Variants in LMBRD2 observed in about 807,000 individuals in gnomAD.
The protein encoded by LMBRD2 is LMBR1 domain containing 2, also known as G protein-coupled receptor-associated protein LMBRD2.
A neutral mutation model predicts 94.4 loss-of-function variants in LMBRD2; 55 were observed. The observed-to-expected ratio is 0.58, with a 90% confidence interval of 0.47 to 0.73. LMBRD2 has a LOEUF of 0.73. Ranked by LOEUF, LMBRD2 falls within the 30% of genes least tolerant of loss-of-function variation. The pLI is 0.00. For missense variants in LMBRD2, 640 were observed against 831.9 expected (o/e 0.77, Z 2.84); for synonymous variants, 246 against 272.4 (o/e 0.90, Z 0.95).
intron 6 of LMBRD2, among the ~76,000 whole-genome samples, chr5:36,135,379 C>A (rs1242276923): frequency 6.6e-6 from 1 of 152,096 alleles, no homozygotes; most frequent in African/African-American, 2.4e-5. Context: ...TAATTATCAC[C>A]ATTACTAAGT....
Position 36,102,670 on chromosome 5 carries a change from A to C in LMBRD2, c.*1376T>G, listed in dbSNP as rs1007651033. The C allele has an allele frequency of 5.3e-5, 8 of 151,730 alleles. No individual in the cohort carries two copies. Among genetic ancestry groups the C allele is most frequent in the Admixed American group, 5.3e-4 (8 of 15,208 alleles). The allele number at this position is 151,730 out of a possible 1,614,324, so 9.4% of individuals were successfully genotyped here. On this transcript the variant is annotated 3_prime_UTR_variant, in exon 18 of 18. Transcript: ENST00000296603. Reference sequence around the variant, plus strand: ...AAAAACTTACATGATAATATTTATTAAAAATAAAAATAAAAATTTTAAATT... The same window carrying C: ...AAAAACTTACATGATAATATTTATTCAAAATAAAAATAAAAATTTTAAATT...
chr5:36,134,704 A>G (rs982393747), intron 6 of LMBRD2, among the ~76,000 whole-genome samples: 5 of 152,132 alleles, frequency 3.3e-5, no homozygotes, highest in African/African-American at 1.2e-4. Context: ...AGAAGGAACC[A>G]ACCCTGCAGA....
intron 4 of LMBRD2, 118 bp downstream of exon 4, chr5:36,140,989 T>C (rs561704492): frequency 5.1e-6 from 3 of 588,344 alleles, no homozygotes; most frequent in Middle Eastern, 3.2e-4. Flanking sequence ...ATAAAAATAA[T>C]GGGTAGAAAG....
Position 36,109,985 on chromosome 5 carries a change from C to G in LMBRD2, c.1751G>C (p.Arg584Thr). Reference sequence around the variant, plus strand: ...ACCTTCTTCTTGCCTTTGCCTTTTTCTCTTCTCTAAAGACAGAAAAATGAT... The same window carrying G: ...ACCTTCTTCTTGCCTTTGCCTTTTTGTCTTCTCTAAAGACAGAAAAATGAT... Reference protein sequence around the residue: ...EGKELIRKEKRKRQRQEEGEN... With the variant: ...EGKELIRKEKTKRQRQEEGEN... Residue 584 changes from arginine to threonine, a missense_variant, in exon 15 of 18, where the codon AGA (arginine) becomes ACA (threonine). Arg to Thr is a moderately conservative substitution (Grantham distance 71, BLOSUM62 -1). Transcript: ENST00000296603. 6.2e-7 allele frequency: 1 copy of G among 1,607,502 alleles called. No homozygotes were observed. Among genetic ancestry groups the G allele is most frequent in the Non-Finnish European group, 8.5e-7 (1 of 1,175,066 alleles).
At position 36,142,580 on chromosome 5, in the gene LMBRD2, T is replaced by G. The variant is rs1744437475; in HGVS notation, c.194A>C (p.Lys65Thr). 6.2e-7 allele frequency: 1 copy of G among 1,607,778 alleles called. No individual in the cohort carries two copies. Among genetic ancestry groups the G allele is most frequent in the Non-Finnish European group, 8.5e-7 (1 of 1,174,258 alleles). The change falls in exon 3 of 18, where the codon AAG (lysine) becomes ACG (threonine). Residue 65 changes from lysine to threonine, a missense_variant. Physicochemically the swap from Lys to Thr is moderately conservative, Grantham distance 78. This residue lies in a region of LMBRD2 where 457 missense variants were observed against 642.8 expected (regional missense o/e 0.71). Transcript: ENST00000296603. ...AGGGCTTGAATTTGCAGCAGCATGC[T>G]TGCACCGGTTGTATATTGTCTAAAG... ...DVSTTIYNRC[K>T]HAAANSSPPE... is the part of the protein sequence containing the mutation.
Position 36,115,102 on chromosome 5 carries a change from T to C in LMBRD2, c.1455A>G (p.Thr485=). The change falls in exon 12 of 18, where the codon ACA becomes ACG. Residue 485 remains threonine (T), a synonymous_variant. Transcript: ENST00000296603. ...LFSGMLFCRL[T]PPLCLNFLGL... ...CCAAGAAATTAAGACATAAAGGAGG[T>C]GTCAAACGGCAAAATAGCCTGCAAC... 1.2e-6 allele frequency: 2 copies of C among 1,607,510 alleles called. No individual in the cohort carries two copies. The highest frequency in any genetic ancestry group is 3.4e-5 in the Admixed American group (2 of 58,612).
At chr5:36,123,596 G>T (rs2111875580) in intron 7 of LMBRD2, among the ~76,000 whole-genome samples, 1 of 151,938 alleles carries the variant, frequency 6.6e-6, no homozygotes. Context: ...GGGTTTAAAA[G>T]ACAATTGGGG....
chr5:36,117,408 C>T (rs1014213521), intron 10 of LMBRD2, among the ~76,000 whole-genome samples: 9 of 151,872 alleles, frequency 5.9e-5, no homozygotes, highest in East Asian at 5.8e-4. Context: ...TTCTTGAGCC[C>T]GGGAAGTTGA....
At chr5:36,123,937 T>A (rs562206558) in intron 7 of LMBRD2, among the ~76,000 whole-genome samples, 1 of 152,070 alleles carries the variant, frequency 6.6e-6, no homozygotes, top group Admixed American at 6.5e-5. Context: ...TTTATTTCCA[T>A]CATTGTCATG....
intron 13 of LMBRD2, 65 bp downstream of exon 13, chr5:36,114,359 G>C: frequency 6.7e-7 from 1 of 1,488,626 alleles, no homozygotes; most frequent in South Asian, 1.4e-5. Context: ...ATATTTAAAA[G>C]AGCTTTAAAG....
chr5:36,146,472 C>G (rs155545), intron 1 of LMBRD2, among the ~76,000 whole-genome samples: 2,204 of 152,286 alleles, frequency 0.014, 55 homozygotes, highest in African/African-American at 0.051. Flanking sequence ...CTGGGCTCAA[C>G]TGATCCTCCC....
intron 7 of LMBRD2, 102 bp from the exon 8 acceptor site, chr5:36,123,063 C>A: frequency 8.6e-7 from 1 of 1,163,932 alleles, no homozygotes; most frequent in Non-Finnish European, 1.1e-6. Flanking sequence ...CTAATTTTCT[C>A]AAAAACATCT....
chr5:36,099,027 TAAC>T lies in LMBRD2; in HGVS notation c.*5016_*5018del, dbSNP rs1216643333. The T allele has an allele frequency of 6.6e-6, 1 of 152,054 alleles. No homozygotes were observed. Among genetic ancestry groups the T allele is most frequent in the Admixed American group, 6.6e-5 (1 of 15,252 alleles). 9.4% of individuals were successfully genotyped at this position (152,054 alleles called of 1,614,324 possible). ...TCAACTGAATTGGATAAAGGCAAAATAACAAGTATTTTATTAATGCAATGCAGA... is the reference window on the plus strand; with the variant it reads ...TCAACTGAATTGGATAAAGGCAAAATAAGTATTTTATTAATGCAATGCAGA... On this transcript the variant is annotated 3_prime_UTR_variant, in exon 18 of 18. Coordinates refer to ENST00000296603, the MANE Select transcript of LMBRD2 (RefSeq NM_001007527.2).
chr5:36,116,649 A>T, intron 10 of LMBRD2, 56 bp from the exon 11 acceptor site: 1 of 1,520,436 alleles, frequency 6.6e-7, no homozygotes, highest in South Asian at 1.2e-5. Flanking sequence ...TTTAGCACTT[A>T]ACAATTACAG....
At chr5:36,124,124 G>A in intron 7 of LMBRD2, 67 bp downstream of exon 7, 2 of 880,670 alleles carry the variant, frequency 2.3e-6, no homozygotes, top group Non-Finnish European at 3.5e-6. Flanking sequence ...ATACTTTTCT[G>A]GTACTTTTGG....
rs866908783 is a variant in LMBRD2, at chr5:36,103,020, A to G, written c.*1026T>C. The G allele has an allele frequency of 2.0e-5, 3 of 151,982 alleles. No homozygotes were observed. The highest frequency in any genetic ancestry group is 7.2e-5 in the African/African-American group (3 of 41,444). The allele number at this position is 151,982 out of a possible 1,614,324, so 9.4% of individuals were successfully genotyped here. On this transcript the variant is annotated 3_prime_UTR_variant, in exon 18 of 18. Transcript: ENST00000296603. ...AAGGTTAAAAACAGTCTATTTAGTA[A>G]GAATGTTTAACCAACAAGTTATTAC...
intron 9 of LMBRD2, among the ~76,000 whole-genome samples, chr5:36,120,690 T>C (rs1412679745): frequency 1.3e-5 from 2 of 152,234 alleles, no homozygotes; most frequent in Non-Finnish European, 2.9e-5. Context: ...TTTTCTAGTC[T>C]GTCTCCAATT....
Position 36,122,383 on chromosome 5 carries a change from A to C in LMBRD2, c.1017T>G (p.Asp339Glu), listed in dbSNP as rs544258135. 6 of 1,613,276 alleles carry C rather than the reference A, an allele frequency of 3.7e-6. No individual in the cohort carries two copies. In the African/African-American group the frequency reaches 8.0e-5, roughly 22 times the overall value. ...ILLEQAFYLE[D>E]VAKNETSATH... ...TAGCACTAGTTTCATTTTTTGCTAC[A>C]TCTTCTAGATAAAATGCTTGTTCCA... The change falls in exon 9 of 18, where the codon GAT (aspartate) becomes GAG (glutamate). Residue 339 changes from aspartate (D) to glutamate (E), a missense_variant. Transcript: ENST00000296603.
intron 9 of LMBRD2, among the ~76,000 whole-genome samples, chr5:36,120,515 T>C (rs1212155856): frequency 2.0e-5 from 3 of 152,156 alleles, no homozygotes; most frequent in Admixed American, 2.0e-4. Context: ...CGCCTCGGCC[T>C]CCCAAAGTGC....
Sources: allele counts gnomAD v4.1 joint callset (sites outside exome capture counted in the v4.1 genomes callset), GRCh38; gene constraint gnomAD v4.1.1; regional missense constraint gnomAD v4.1.1; transcripts MANE v1.5; gene names NCBI Gene and HGNC (gene_info 2026-07-23, HGNC 2026-07-21).